The following NYAP2 variants were observed in gnomAD, a reference collection of about 807,000 sequenced individuals.
NYAP2 encodes neuronal tyrosine-phosphorylated phosphoinositide-3-kinase adaptor 2.
NYAP2 carries 23 observed loss-of-function variants against 50.4 expected under a neutral mutation model. The ratio of observed to expected loss-of-function variants is 0.46; its 90% CI spans 0.33 to 0.65. The LOEUF (loss-of-function observed/expected upper bound fraction) is 0.65, where lower values mean the gene tolerates loss of function less well. Among genes scored for constraint, NYAP2 ranks in the 30% least tolerant of loss-of-function variants. NYAP2 has a pLI of 0.02. For missense variants in NYAP2, 885 were observed against 861.0 expected (o/e 1.03, Z -0.35); for synonymous variants, 394 against 365.2 (o/e 1.08, Z -0.90).
At chr2:225,418,031 G>A (rs942650173) in intron 3 of NYAP2, among the ~76,000 whole-genome samples, 1 of 152,100 alleles carries the variant, frequency 6.6e-6, no homozygotes, top group Admixed American at 6.6e-5. Flanking sequence ...CTAGAGAATT[G>A]AGGGTCAGGG....
At position 225,408,908 on chromosome 2, in the gene NYAP2, A is replaced by G. The variant is rs911750934; in HGVS notation, c.28A>G (p.Asn10Asp). 2.5e-6 allele frequency: 4 copies of G among 1,609,966 alleles called. No homozygotes were observed. The African/African-American group carries it at 5.4e-5, about 22-fold the overall frequency. ...GATATCCTCCAAGATGATGAGTTCT[A>G]ATCCTGAGGAAGACCCTTTGGACAC... The change falls in exon 3 of 7, where the codon AAT becomes GAT. Residue 10 changes from asparagine (N) to aspartate (D), a missense_variant. Asn to Asp is a conservative substitution (Grantham distance 23). Transcript: ENST00000636099.
chr2:225,441,512 AAG>A (rs1689470087), intron 3 of NYAP2, among the ~76,000 whole-genome samples: 1 of 152,220 alleles, frequency 6.6e-6, no homozygotes, highest in African/African-American at 2.4e-5. Context: ...TTATGAAGAA[AAG>A]AGATTTAATT....
intron 3 of NYAP2, among the ~76,000 whole-genome samples, chr2:225,508,143 A>G (rs1267420629): frequency 6.6e-6 from 1 of 152,222 alleles, no homozygotes; most frequent in Non-Finnish European, 1.5e-5. Flanking sequence ...GAAAAAGCAT[A>G]CTTGTTTAAA....
rs535848030 is a variant in NYAP2, at chr2:225,580,362, G to C, written c.524-1579G>C. On this transcript the variant is annotated intron_variant, in intron 4 of 6. Transcript: ENST00000636099. Reference sequence around the variant, plus strand: ...GTGGTACAATTATTGGTTGCTTTAGGTCCCTCCTAAAAAGATTGACTGCAT... The same window carrying C: ...GTGGTACAATTATTGGTTGCTTTAGCTCCCTCCTAAAAAGATTGACTGCAT... Among the ~76,000 whole-genome samples the C allele has an allele frequency of 3.3e-5, 5 of 152,132 alleles. No homozygotes were observed. In the South Asian group the frequency reaches 1.0e-3, roughly 31 times the overall value.
At chr2:225,440,084 A>C (rs910806994) in intron 3 of NYAP2, among the ~76,000 whole-genome samples, 2 of 152,226 alleles carry the variant, frequency 1.3e-5, no homozygotes, top group Non-Finnish European at 2.9e-5. Context: ...TTACCTCCAC[A>C]TGGTCCCACA....
At chr2:225,442,836 C>G (rs777932662) in intron 3 of NYAP2, among the ~76,000 whole-genome samples, 3 of 152,156 alleles carry the variant, frequency 2.0e-5, no homozygotes, top group African/African-American at 7.2e-5. Context: ...TTGGCCCCCA[C>G]AAAGTGCTGA....
chr2:225,491,363 C>T (rs908033304), intron 3 of NYAP2, among the ~76,000 whole-genome samples: 1 of 152,148 alleles, frequency 6.6e-6, no homozygotes, highest in African/African-American at 2.4e-5. Flanking sequence ...CATCATTAGG[C>T]TTCTGGGTCC....
chr2:225,547,069 A>ATAGG (rs1691597884), intron 4 of NYAP2, among the ~76,000 whole-genome samples: 1 of 152,126 alleles, frequency 6.6e-6, no homozygotes, highest in Non-Finnish European at 1.5e-5. Context: ...CAAAGCTAGA[A>ATAGG]AAAAGTCCTC....
intron 6 of NYAP2, among the ~76,000 whole-genome samples, chr2:225,634,476 G>A (rs1321845341): frequency 3.3e-5 from 5 of 152,180 alleles, no homozygotes; most frequent in East Asian, 1.9e-4. Context: ...TTATGATTCA[G>A]TCCTTCATAT....
chr2:225,445,261 A>T (rs545213058), intron 3 of NYAP2, among the ~76,000 whole-genome samples: 1 of 152,280 alleles, frequency 6.6e-6, no homozygotes, highest in South Asian at 2.1e-4. Context: ...TTTTTTAGGA[A>T]CTTATGCTAA....
intron 3 of NYAP2, among the ~76,000 whole-genome samples, chr2:225,504,972 C>T (rs971279275): frequency 3.3e-5 from 5 of 151,370 alleles, no homozygotes; most frequent in South Asian, 2.1e-4. Flanking sequence ...TGCACCACTG[C>T]GCTCCAGCCT....
the NYAP2 span, among the ~76,000 whole-genome samples, chr2:225,659,067 C>G: frequency 6.6e-6 from 1 of 152,112 alleles, no homozygotes; most frequent in Admixed American, 6.5e-5. Flanking sequence ...TCTGTCAGAG[C>G]AAGGAGGGTA....
chr2:225,651,833 G>A (rs939580276), exon 7 of NYAP2: 3 of 359,170 alleles, frequency 8.4e-6, no homozygotes, highest in South Asian at 5.2e-5. Flanking sequence ...TGTACTATAT[G>A]TATTGGCTTA....
intron 6 of NYAP2, among the ~76,000 whole-genome samples, chr2:225,638,614 G>T (rs12694672): frequency 0.75 from 113,850 of 151,912 alleles, 42,892 homozygotes; most frequent in Middle Eastern, 0.89. Flanking sequence ...ACAAAAGACA[G>T]AGAGCGAACA....
At chr2:225,658,699 T>A (rs1693864776), downstream of NYAP2, among the ~76,000 whole-genome samples, 1 of 152,244 alleles carries the variant, frequency 6.6e-6, no homozygotes, top group Non-Finnish European at 1.5e-5. Context: ...TGGCACTCTC[T>A]ATGAGCTTTA....
In NYAP2 at chr2:225,626,985, A is replaced by G. The variant is rs781079866; in HGVS notation, c.1687A>G (p.Arg563Gly). ...ATTACCAAAGTTGGACAACAAGGAA[A>G]GAGGCCACCATGGGGCGTCTTCCTC... Residue 563 changes from arginine to glycine, a missense_variant, in exon 6 of 7, where the codon AGA (arginine) becomes GGA (glycine). Coordinates refer to ENST00000636099, the Ensembl canonical transcript of NYAP2. 2.3e-5 allele frequency: 36 copies of G among 1,587,926 alleles called. No homozygotes were observed. Among genetic ancestry groups the G allele is most frequent in the Non-Finnish European group, 1.6e-5 (19 of 1,167,210 alleles).
the NYAP2 span, among the ~76,000 whole-genome samples, chr2:225,672,997 C>T: frequency 8.0e-4 from 121 of 151,544 alleles, no homozygotes; most frequent in African/African-American, 2.9e-3. Flanking sequence ...TTAATAAAAA[C>T]ATACCTGAGA....
intron 4 of NYAP2, among the ~76,000 whole-genome samples, chr2:225,571,554 C>T (rs4674995): frequency 0.55 from 83,848 of 152,102 alleles, 25,780 homozygotes; most frequent in South Asian, 0.71. Flanking sequence ...AAGCAATGGC[C>T]GAGTTGTACC....
chr2:225,673,470 A>C, the NYAP2 span, among the ~76,000 whole-genome samples: 1 of 142,624 alleles, frequency 7.0e-6, no homozygotes, highest in Non-Finnish European at 1.6e-5. Flanking sequence ...TTTAAAAAAA[A>C]ATGCAATGTC....
Sources: allele counts gnomAD v4.1 joint callset (sites outside exome capture counted in the v4.1 genomes callset), GRCh38; gene constraint gnomAD v4.1.1; transcripts MANE v1.5; gene names NCBI Gene and HGNC (gene_info 2026-07-23, HGNC 2026-07-21).